The following CHCHD3 variants were observed in gnomAD, a reference collection of about 807,000 sequenced individuals.
The protein encoded by CHCHD3 is coiled-coil-helix-coiled-coil-helix domain containing 3.
Under a neutral mutation model 38.2 loss-of-function variants are expected in CHCHD3, and 20 were observed. The ratio of observed to expected loss-of-function variants is 0.52; its 90% confidence interval spans 0.37 to 0.76. CHCHD3 has a LOEUF of 0.76. CHCHD3 is among the 30% of genes least tolerant of loss of function. CHCHD3 has a pLI of 0.00. For synonymous variants in CHCHD3, 82 were observed against 100.0 expected, an observed-to-expected ratio of 0.82 and a Z score of 1.07; for missense variants, 245 against 279.2, an observed-to-expected ratio of 0.88 and a Z score of 0.87.
chr7:132,879,400 AT>A (rs1032258973), intron 5 of CHCHD3, among the ~76,000 whole-genome samples: 21 of 152,274 alleles, frequency 1.4e-4, no homozygotes, highest in African/African-American at 4.8e-4. Context: ...CCAAAACCCC[AT>A]CATTCTTAGG....
intron 3 of CHCHD3, among the ~76,000 whole-genome samples, chr7:132,986,424 G>GAAAAAAAAAAAAAAAAAAA (rs59151340): frequency 8.4e-5 from 11 of 131,252 alleles, no homozygotes; most frequent in East Asian, 4.4e-4. Context: ...AAAGAAAAAA[G>GAAAAAAAAAAAAAAAAAAA]AAAAAAAAAA....
chr7:132,919,804 T>C (rs911410030), intron 4 of CHCHD3, among the ~76,000 whole-genome samples: 7 of 152,186 alleles, frequency 4.6e-5, no homozygotes. Context: ...TCCAAATGAC[T>C]AGCCCTCTAA....
intron 3 of CHCHD3, among the ~76,000 whole-genome samples, chr7:133,013,628 C>T (rs369914471): frequency 3.9e-5 from 6 of 152,020 alleles, no homozygotes; most frequent in South Asian, 4.1e-4. Context: ...ATCAGATAGA[C>T]GGTCTACTTG....
intron 5 of CHCHD3, among the ~76,000 whole-genome samples, chr7:132,885,023 A>G (rs529518461): frequency 6.6e-6 from 1 of 152,256 alleles, no homozygotes; most frequent in Non-Finnish European, 1.5e-5. Context: ...AGGCTGAGGG[A>G]GGCAGATGAC....
Position 133,035,512 on chromosome 7 carries a change from G to A in CHCHD3, c.170-10885C>T. On this transcript the variant is annotated intron_variant, in intron 2 of 7. Coordinates refer to ENST00000262570, the MANE Select transcript of CHCHD3 (RefSeq NM_017812.4). The surrounding 1 kb of genome is among the most constrained non-coding windows in gnomAD (Gnocchi z 4.7). ...TAAGCATCCAGCAGCCCCAGAATTC[G>A]CCTCACTTCCTCCTTTGCATTCTCA... The A allele has an allele frequency of 1.9e-6, 3 of 1,613,428 alleles. No homozygotes were observed. The highest frequency in any genetic ancestry group is 1.7e-6 in the Non-Finnish European group (2 of 1,179,470).
At chr7:132,918,250 CT>C (rs1810167159) in intron 4 of CHCHD3, among the ~76,000 whole-genome samples, 1 of 152,108 alleles carries the variant, frequency 6.6e-6, no homozygotes. Context: ...GAAACTGAAT[CT>C]CAGATCTAGC....
At chr7:132,865,263 G>T (rs1285550270) in intron 5 of CHCHD3, among the ~76,000 whole-genome samples, 1 of 152,302 alleles carries the variant, frequency 6.6e-6, no homozygotes, top group East Asian at 1.9e-4. Flanking sequence ...TGCCATCTCG[G>T]CAGACTGTCC....
intron 4 of CHCHD3, among the ~76,000 whole-genome samples, chr7:132,898,601 G>A (rs951830887): frequency 4.5e-4 from 69 of 152,372 alleles, no homozygotes; most frequent in Non-Finnish European, 8.7e-4. Context: ...CGCGCCGTGC[G>A]CCCGCACTCC....
chr7:132,814,544 C>T (rs2117056757), intron 6 of CHCHD3, among the ~76,000 whole-genome samples: 1 of 152,294 alleles, frequency 6.6e-6, no homozygotes, highest in South Asian at 2.1e-4. Context: ...GGAGGATTCT[C>T]CTTTCTATAA....
chr7:132,903,088 G>A (rs1436839952), intron 4 of CHCHD3, among the ~76,000 whole-genome samples: 1 of 152,174 alleles, frequency 6.6e-6, no homozygotes, highest in Non-Finnish European at 1.5e-5. Context: ...GCAATGTGAA[G>A]CAAGTACAAT....
At chr7:132,894,157 G>A (rs754207047) in intron 4 of CHCHD3, among the ~76,000 whole-genome samples, 6 of 152,094 alleles carry the variant, frequency 3.9e-5, no homozygotes, top group Admixed American at 6.5e-5. Flanking sequence ...ATATCATAGC[G>A]CTTAACAAAA....
chr7:132,844,977 T>C (rs543728662), intron 5 of CHCHD3: 18 of 152,360 alleles, frequency 1.2e-4, no homozygotes, highest in Admixed American at 7.8e-4. Context: ...GGAGACTGAA[T>C]GCTCCATTGT....
At chr7:132,810,096 G>A (rs755960724) in intron 6 of CHCHD3, among the ~76,000 whole-genome samples, 4 of 152,250 alleles carry the variant, frequency 2.6e-5, no homozygotes, top group African/African-American at 9.6e-5. Flanking sequence ...TTGCTAATTC[G>A]TAATATCTCA....
chr7:133,026,198 ACAACT>A (rs1334825036), intron 2 of CHCHD3, among the ~76,000 whole-genome samples: 2 of 152,258 alleles, frequency 1.3e-5, no homozygotes, highest in African/African-American at 2.4e-5. Flanking sequence ...TAATAAAAAG[ACAACT>A]CAATTAAAAT....
At chr7:132,970,817 C>T (rs969649253) in intron 4 of CHCHD3, among the ~76,000 whole-genome samples, 1 of 151,512 alleles carries the variant, frequency 6.6e-6, no homozygotes, top group Non-Finnish European at 1.5e-5. Context: ...GTGATGATAA[C>T]AAGAAATATG....
intron 6 of CHCHD3, among the ~76,000 whole-genome samples, chr7:132,822,014 G>A (rs879725642): frequency 5.3e-5 from 8 of 152,014 alleles, no homozygotes; most frequent in Non-Finnish European, 1.0e-4. Flanking sequence ...CACCCGCCTC[G>A]GCCTCTTTTA....
chr7:132,998,683 C>T (rs893051171), intron 3 of CHCHD3, among the ~76,000 whole-genome samples: 1 of 152,132 alleles, frequency 6.6e-6, no homozygotes, highest in African/African-American at 2.4e-5. Context: ...TTTGATTACT[C>T]CTGTTTTTAA....
At chr7:133,017,000 A>G (rs1584645843) in intron 3 of CHCHD3, among the ~76,000 whole-genome samples, 1 of 152,216 alleles carries the variant, frequency 6.6e-6, no homozygotes, top group Admixed American at 6.5e-5. Flanking sequence ...TGGGTAAGGA[A>G]AGTACACTCC....
At chr7:132,886,034 C>G (rs887485445) in intron 4 of CHCHD3, among the ~76,000 whole-genome samples, 2 of 152,094 alleles carry the variant, frequency 1.3e-5, no homozygotes, top group African/African-American at 4.8e-5. Flanking sequence ...ACTTCCCTAT[C>G]AAAGAGTAAT....
Sources: gnomAD v4.1 joint callset for allele counts (sites outside exome capture counted in the v4.1 genomes callset) on GRCh38, gnomAD v4.1.1 for gene constraint, Gnocchi (gnomAD v3.1) non-coding constraint, MANE v1.5 for transcripts, NCBI Gene and HGNC (gene_info 2026-07-23, HGNC 2026-07-21) for gene names.